Variants in ARHGAP21 observed in about 807,000 individuals in gnomAD.
ARHGAP21 encodes the protein rho GTPase-activating protein 21.
Under a neutral mutation model 164.6 loss-of-function variants are expected in ARHGAP21, and 38 were observed. The ratio of observed to expected loss-of-function variants is 0.23; its 90% CI spans 0.18 to 0.30. ARHGAP21 has a LOEUF of 0.30. Among genes scored for constraint, ARHGAP21 ranks in the 10% least tolerant of loss-of-function variants. The pLI is 1.00. For missense variants in ARHGAP21, 1,822 were observed against 2,370.7 expected (o/e 0.77, Z 4.81); for synonymous variants, 766 against 857.9 (o/e 0.89, Z 1.87).
In ARHGAP21 at chr10:24,619,812, G is replaced by C. The variant is rs769724647; in HGVS notation, c.2083C>G (p.Gln695Glu). The C allele has an allele frequency of 8.1e-6, 13 of 1,614,066 alleles. No homozygotes were observed. In the African/African-American group the frequency reaches 1.7e-4, roughly 22 times the overall value. The change falls in exon 9 of 26, where the codon CAG becomes GAG. Residue 695 changes from glutamine (Q) to glutamate (E), a missense_variant. Physicochemically the swap from Gln to Glu is conservative, Grantham distance 29. Coordinates refer to ENST00000396432, the MANE Select transcript of ARHGAP21 (RefSeq NM_020824.4). ...GAAGTACCAGCGTTTTCACTCGACT[G>C]AGGGGCAGGCTTGGCAGAGGCTCCA... is the stretch of plus-strand genomic sequence containing the variant. ...LSGASAKPAP[Q>E]SSENAGTSDL...
At chr10:24,676,107 C>T (rs879002540) in intron 2 of ARHGAP21, among the ~76,000 whole-genome samples, 5 of 152,036 alleles carry the variant, frequency 3.3e-5, no homozygotes, top group Non-Finnish European at 7.4e-5. Context: ...GAGGGCGCCA[C>T]GGCACTCCAG....
At chr10:24,651,180 C>G (rs2131549083) in intron 4 of ARHGAP21, among the ~76,000 whole-genome samples, 1 of 152,314 alleles carries the variant, frequency 6.6e-6, no homozygotes, top group South Asian at 2.1e-4. Flanking sequence ...AGCTGCCGCC[C>G]TTTGGATCCA....
chr10:24,603,225 T>G (rs982632138), intron 12 of ARHGAP21, among the ~76,000 whole-genome samples: 2 of 152,094 alleles, frequency 1.3e-5, no homozygotes, highest in Non-Finnish European at 2.9e-5. Flanking sequence ...GATGGAGAAG[T>G]AGTCTTTCAG....
chr10:24,628,756 T>TG (rs1238225912), intron 7 of ARHGAP21, among the ~76,000 whole-genome samples: 1 of 111,016 alleles, frequency 9.0e-6, no homozygotes, highest in African/African-American at 3.9e-5. Flanking sequence ...ATGAAATATG[T>TG]GTGTGTGTGT....
intron 2 of ARHGAP21, among the ~76,000 whole-genome samples, chr10:24,716,506 C>A (rs1845400580): frequency 6.6e-6 from 1 of 152,180 alleles, no homozygotes; most frequent in Non-Finnish European, 1.5e-5. Flanking sequence ...TGCAGAAAAG[C>A]AAGAGACCAG....
intron 6 of ARHGAP21, among the ~76,000 whole-genome samples, chr10:24,632,209 G>A (rs186864963): frequency 2.2e-3 from 329 of 152,300 alleles, no homozygotes; most frequent in Non-Finnish European, 4.2e-3. Flanking sequence ...AAGATGAACT[G>A]TACCAGTAAC....
intron 7 of ARHGAP21, among the ~76,000 whole-genome samples, chr10:24,628,711 G>A (rs1835381124): frequency 6.6e-6 from 1 of 150,504 alleles, no homozygotes; most frequent in East Asian, 1.9e-4. Flanking sequence ...CTACAGAACT[G>A]CAAAATCAAT....
At chr10:24,625,518 C>T (rs1479068608) in intron 7 of ARHGAP21, among the ~76,000 whole-genome samples, 1 of 135,812 alleles carries the variant, frequency 7.4e-6, no homozygotes, top group Non-Finnish European at 1.6e-5. Context: ...TTTTATTATA[C>T]CTTTCTGCAT....
chr10:24,723,146 G>A (rs1330822926), intron 1 of ARHGAP21: 2 of 151,468 alleles, frequency 1.3e-5, no homozygotes, highest in South Asian at 4.2e-4. Context: ...AGACAAAACC[G>A]GGGGCCTTAC....
rs766612507 is a variant in ARHGAP21 at position 24,619,662 on chromosome 10, G to A, written c.2233C>T (p.Arg745Cys). 14 of 1,614,018 alleles carry A rather than the reference G, an allele frequency of 8.7e-6. No individual in the cohort carries two copies. Among genetic ancestry groups the A allele is most frequent in the East Asian group, 4.5e-5 (2 of 44,880 alleles). Residue 745 changes from arginine to cysteine, a missense_variant, in exon 9 of 26, where the codon CGC becomes TGC. Transcript: ENST00000396432. ...VILREKPPSG[R>C]QTPQPLRHQS... ...TGCCTTAAAGGCTGCGGTGTCTGGC[G>A]TCCAGATGGAGGTTTTTCCCTTAGG...
chr10:24,715,767 G>T (rs151049445), intron 2 of ARHGAP21, among the ~76,000 whole-genome samples: 1 of 152,180 alleles, frequency 6.6e-6, no homozygotes. Flanking sequence ...CAGCACTTTG[G>T]GAGGATGAGG....
rs529010084 is a variant in ARHGAP21 at position 24,620,159 on chromosome 10, G to T, written c.1736C>A (p.Ser579Tyr). ...NRRMSGRGVGSVSQFKKIPPD... is the reference protein window; with the variant it reads ...NRRMSGRGVGYVSQFKKIPPD... ...TGGAATTTTTTTAAACTGCGACACA[G>T]ATCCCACTCCTCTACCACTCATTCG... is the stretch of plus-strand genomic sequence containing the variant. The change falls in exon 9 of 26, where the codon TCT becomes TAT. Residue 579 changes from serine to tyrosine, a missense_variant. Ser to Tyr is a moderately radical substitution (Grantham distance 144). Coordinates refer to ENST00000396432, the MANE Select transcript of ARHGAP21 (RefSeq NM_020824.4). The T allele has an allele frequency of 1.7e-5, 27 of 1,613,922 alleles. No individual in the cohort carries two copies. The East Asian group carries it at 4.5e-4, about 27-fold the overall frequency.
intron 21 of ARHGAP21, among the ~76,000 whole-genome samples, chr10:24,592,746 GA>G (rs111914027): frequency 5.6e-5 from 8 of 141,622 alleles, no homozygotes; most frequent in African/African-American, 1.8e-4. Flanking sequence ...AAGAAAAAAA[GA>G]AAAAAAAAAC....
At chr10:24,657,268 G>A (rs1375988425) in intron 4 of ARHGAP21, among the ~76,000 whole-genome samples, 2 of 40,394 alleles carry the variant, frequency 5.0e-5, no homozygotes, top group Non-Finnish European at 8.6e-5. Context: ...GCCCCCGGCC[G>A]GCCAGCCGCC....
chr10:24,654,112 T>C (rs1003128167), intron 4 of ARHGAP21, among the ~76,000 whole-genome samples: 3 of 152,158 alleles, frequency 2.0e-5, no homozygotes, highest in African/African-American at 7.2e-5. Context: ...AATTAAGTAT[T>C]GATGGGACGT....
At chr10:24,687,677 G>T (rs1170812058) in intron 2 of ARHGAP21, among the ~76,000 whole-genome samples, 2 of 152,156 alleles carry the variant, frequency 1.3e-5, no homozygotes, top group Non-Finnish European at 2.9e-5. Flanking sequence ...CATTTCTGTG[G>T]TTAAAAACAA....
intron 6 of ARHGAP21, among the ~76,000 whole-genome samples, chr10:24,630,284 A>G (rs1416575999): frequency 6.6e-6 from 1 of 152,214 alleles, no homozygotes; most frequent in Non-Finnish European, 1.5e-5. Flanking sequence ...GCTATTCATA[A>G]TCAGTAAAGT....
At chr10:24,700,057 T>C (rs1843519487) in intron 2 of ARHGAP21, among the ~76,000 whole-genome samples, 1 of 152,290 alleles carries the variant, frequency 6.6e-6, no homozygotes, top group African/African-American at 2.4e-5. Context: ...GGTTCTCCAA[T>C]ACTGCTGGTG....
At chr10:24,664,536 C>G (rs1840001375) in intron 4 of ARHGAP21, among the ~76,000 whole-genome samples, 1 of 147,334 alleles carries the variant, frequency 6.8e-6, no homozygotes, top group South Asian at 2.1e-4. Context: ...AGCCTGTCAA[C>G]AGAGTGAGAT....
Sources: gnomAD v4.1 joint callset for allele counts (sites outside exome capture counted in the v4.1 genomes callset) on GRCh38, gnomAD v4.1.1 for gene constraint, MANE v1.5 for transcripts, NCBI Gene and HGNC (gene_info 2026-07-23, HGNC 2026-07-21) for gene names.